LUZP2: variants seen among roughly 807,000 people sequenced by gnomAD.
LUZP2 encodes the protein leucine zipper protein 2.
LUZP2 carries 52 observed loss-of-function variants against 51.6 expected under a neutral mutation model. The ratio of observed to expected loss-of-function variants is 1.01; its 90% CI spans 0.81 to 1.27. The LOEUF (loss-of-function observed/expected upper bound fraction) is 1.27. Ranked by LOEUF, LUZP2 falls within the 50% of genes most tolerant of loss-of-function variation. The pLI, the probability that LUZP2 is intolerant of heterozygous loss-of-function variation, is 0.00. For synonymous variants in LUZP2, 154 were observed against 137.3 expected (o/e 1.12, Z -0.85); for missense variants, 436 against 395.4 (o/e 1.10, Z -0.87).
chr11:24,693,024 C>G lies in LUZP2; in HGVS notation c.63-36145C>G, dbSNP rs377294561. 6.8e-4 allele frequency among the ~76,000 whole-genome samples: 103 copies of G among 151,776 alleles called. 3 individuals are homozygous for G. The South Asian group carries it at 0.02, about 30-fold the overall frequency. ...ATGAGCCTAGATTATATGTTCTTCA[C>G]TAAAAGTGAGCAAAAATATATTTTT... is the stretch of plus-strand genomic sequence containing the variant. On this transcript the variant is annotated intron_variant, in intron 1 of 11. Coordinates refer to ENST00000336930, the MANE Select transcript of LUZP2 (RefSeq NM_001009909.4).
rs138358726 is a variant in LUZP2 at position 24,818,012 on chromosome 11, C to T, written c.396+54704C>T. 6.2e-3 allele frequency among the ~76,000 whole-genome samples: 948 copies of T among 152,096 alleles called. 9 individuals carry two copies. The highest frequency in any genetic ancestry group is 0.021 in the African/African-American group (893 of 41,542). On this transcript the variant is annotated intron_variant, in intron 5 of 11. Coordinates refer to ENST00000336930, the MANE Select transcript of LUZP2 (RefSeq NM_001009909.4). ...CTTTAGAAATATAGCAAGCATGGGG[C>T]ATCTTGTAATCAAATAAACTATTTA...
intron 5 of LUZP2, among the ~76,000 whole-genome samples, chr11:24,813,493 G>A (rs1850081881): frequency 6.6e-6 from 1 of 152,142 alleles, no homozygotes; most frequent in African/African-American, 2.4e-5. Context: ...GAGCAAGAGA[G>A]AGAGAGAAAG....
intron 5 of LUZP2, among the ~76,000 whole-genome samples, chr11:24,803,459 A>G (rs939580201): frequency 3.3e-5 from 5 of 152,116 alleles, no homozygotes; most frequent in Non-Finnish European, 5.9e-5. Context: ...TGTGGAAAAT[A>G]TTCTAAAAAT....
chr11:24,755,864 T>G (rs917256740), intron 4 of LUZP2, among the ~76,000 whole-genome samples: 5 of 152,186 alleles, frequency 3.3e-5, no homozygotes, highest in Admixed American at 3.3e-4. Context: ...CTTACCATAT[T>G]TTGAAATGGC....
chr11:25,075,458 A>G (rs1414273808), intron 10 of LUZP2, among the ~76,000 whole-genome samples: 1 of 152,164 alleles, frequency 6.6e-6, no homozygotes, highest in Non-Finnish European at 1.5e-5. Flanking sequence ...TTTATTACTT[A>G]TTTAGAGATT....
chr11:25,044,253 G>GTATA (rs1446874239), intron 9 of LUZP2, among the ~76,000 whole-genome samples: 971 of 31,562 alleles, frequency 0.031, 12 homozygotes, highest in Non-Finnish European at 0.041. Flanking sequence ...GTGTGTGTGT[G>GTATA]TGTGTATATA....
At chr11:24,915,389 A>G (rs2133803227) in intron 7 of LUZP2, among the ~76,000 whole-genome samples, 1 of 152,214 alleles carries the variant, frequency 6.6e-6, no homozygotes, top group African/African-American at 2.4e-5. Flanking sequence ...CTAAAGATAT[A>G]CATATTGTGT....
intron 5 of LUZP2, among the ~76,000 whole-genome samples, chr11:24,839,820 G>T (rs1333595374): frequency 6.6e-6 from 1 of 151,632 alleles, no homozygotes; most frequent in African/African-American, 2.4e-5. Context: ...TAATCGAAAT[G>T]ATAGTGAGTT....
At position 25,050,025 on chromosome 11, in the gene LUZP2, C is replaced by G; in HGVS notation, c.766-13C>G. 2.6e-6 allele frequency: 4 copies of G among 1,510,508 alleles called. No individual in the cohort carries two copies. Among genetic ancestry groups the G allele is most frequent in the Non-Finnish European group, 3.6e-6 (4 of 1,114,222 alleles). The allele number at this position is 1,510,508 out of a possible 1,614,324, so 93.6% of individuals were successfully genotyped here. A position where few individuals can be genotyped will look rare whatever the true frequency, so the allele number is the denominator to read the frequency against. On this transcript the variant is annotated splice_polypyrimidine_tract_variant and intron_variant, in intron 9 of 11. Transcript: ENST00000336930. ...TGATTTCTTTCTTTCTATCTCTCTT[C>G]GTCTCTTTTAAGCCTCAACAAAGTG...
rs1849846059 is a variant in LUZP2, at chr11:24,497,080, C to A, written c.-164C>A. On this transcript the variant is annotated 5_prime_UTR_variant, in exon 1 of 12. Coordinates refer to ENST00000336930, the MANE Select transcript of LUZP2 (RefSeq NM_001009909.4). ...TCCTGAAGATACTCCTCGCTCCCAG[C>A]GCCTGCCTTCCCCAGGCGTCCGTTC... The A allele has an allele frequency of 2.0e-6, 1 of 499,922 alleles. No individual in the cohort carries two copies. The highest frequency in any genetic ancestry group is 3.4e-6 in the Non-Finnish European group (1 of 293,364). 31.0% of individuals were successfully genotyped at this position (499,922 alleles called of 1,614,324 possible). A position where few individuals can be genotyped will look rare whatever the true frequency, so the allele number is the denominator to read the frequency against.
intron 9 of LUZP2, among the ~76,000 whole-genome samples, chr11:25,011,900 A>C (rs1476553782): frequency 6.6e-6 from 1 of 151,822 alleles, no homozygotes; most frequent in South Asian, 2.1e-4. Context: ...AATTTAATAT[A>C]TATATTTTAA....
intron 7 of LUZP2, among the ~76,000 whole-genome samples, chr11:24,960,375 G>T (rs1855355752): frequency 6.6e-6 from 1 of 152,040 alleles, no homozygotes; most frequent in South Asian, 2.1e-4. Context: ...GAATCCATCT[G>T]GTCCTGGACT....
In LUZP2 at chr11:24,511,433, G is replaced by GT. The variant is rs201089689; in HGVS notation, c.62+14128_62+14129insT. 8.4e-3 allele frequency among the ~76,000 whole-genome samples: 1,271 copies of GT among 152,136 alleles called. 57 individuals carry two copies. In the East Asian group the frequency reaches 0.13, roughly 16 times the overall value. Reference sequence around the variant, plus strand: ...AAAATAAAAAAAAATACAATGGCAAGATTTTGGATTAGAATCACTATTTCA... The same window carrying GT: ...AAAATAAAAAAAAATACAATGGCAAGTATTTTGGATTAGAATCACTATTTCA... On this transcript the variant is annotated intron_variant, in intron 1 of 11. Coordinates refer to ENST00000336930, the MANE Select transcript of LUZP2 (RefSeq NM_001009909.4).
intron 4 of LUZP2, among the ~76,000 whole-genome samples, chr11:24,747,898 C>T (rs1859438724): frequency 1.3e-5 from 2 of 152,046 alleles, no homozygotes; most frequent in African/African-American, 4.8e-5. Flanking sequence ...TGGTCTCACT[C>T]CCACCGTGTC....
At chr11:24,799,665 T>C (rs1849640975) in intron 5 of LUZP2, among the ~76,000 whole-genome samples, 1 of 151,846 alleles carries the variant, frequency 6.6e-6, no homozygotes, top group African/African-American at 2.4e-5. Context: ...AAACACCAAC[T>C]TCATAACTCT....
intron 1 of LUZP2, among the ~76,000 whole-genome samples, chr11:24,511,363 A>G (rs528694446): frequency 2.6e-5 from 4 of 152,226 alleles, no homozygotes; most frequent in Non-Finnish European, 4.4e-5. Context: ...ATTTATGGTG[A>G]TGTGAAAGCT....
chr11:24,842,554 C>A (rs1564974640), intron 5 of LUZP2, among the ~76,000 whole-genome samples: 3 of 151,856 alleles, frequency 2.0e-5, no homozygotes, highest in Non-Finnish European at 2.9e-5. Context: ...ATACAATACA[C>A]CCTTTTTTAA....
intron 1 of LUZP2, among the ~76,000 whole-genome samples, chr11:24,532,665 G>T (rs886947124): frequency 1.3e-5 from 2 of 150,846 alleles, no homozygotes; most frequent in African/African-American, 4.8e-5. Flanking sequence ...TGCTTAGAAG[G>T]CAATTAAGGT....
chr11:24,574,360 T>C, intron 1 of LUZP2, among the ~76,000 whole-genome samples: 1 of 116,976 alleles, frequency 8.5e-6, no homozygotes, highest in South Asian at 3.5e-4. Flanking sequence ...CCTCCCTCCC[T>C]CCCTCCTTCC....
Sources: allele counts gnomAD v4.1 joint callset (sites outside exome capture counted in the v4.1 genomes callset), GRCh38; gene constraint gnomAD v4.1.1; transcripts MANE v1.5; gene names NCBI Gene and HGNC (gene_info 2026-07-23, HGNC 2026-07-21).